CLDN16: variants seen among roughly 807,000 people sequenced by gnomAD.
CLDN16 encodes claudin 16, also known as claudin-16.
Under a neutral mutation model 24.6 loss-of-function variants are expected in CLDN16, and 13 were observed. The ratio of observed to expected loss-of-function variants is 0.53; its 90% confidence interval spans 0.34 to 0.84. The LOEUF is 0.84. CLDN16 is among the 40% of genes least tolerant of loss of function. CLDN16 has a pLI of 0.01. For missense variants in CLDN16, 298 were observed against 292.7 expected, an observed-to-expected ratio of 1.02 and a Z score of -0.13; for synonymous variants, 116 against 106.7, an observed-to-expected ratio of 1.09 and a Z score of -0.54.
chr3:190,365,709 T>C (rs370088547), intron 1 of CLDN16, among the ~76,000 whole-genome samples: 8 of 151,560 alleles, frequency 5.3e-5, no homozygotes, highest in African/African-American at 1.9e-4. Context: ...TTAGCACCAT[T>C]AGAACTCTTA....
the CLDN16 span, among the ~76,000 whole-genome samples, chr3:190,298,348 TACACACACACACACAC>T: frequency 1.4e-5 from 2 of 147,854 alleles, no homozygotes; most frequent in South Asian, 4.8e-4. Context: ...ATGTATATTA[TACACACACACACACAC>T]ACACACACAC....
intron 1 of CLDN16, among the ~76,000 whole-genome samples, chr3:190,329,309 C>T (rs55809762): frequency 0.015 from 2,222 of 152,188 alleles, 29 homozygotes; most frequent in Non-Finnish European, 0.024. Context: ...CATATCTATT[C>T]TGAGCTAAGA....
At chr3:190,346,157 G>A (rs887873906) in intron 1 of CLDN16, among the ~76,000 whole-genome samples, 4 of 151,986 alleles carry the variant, frequency 2.6e-5, no homozygotes, top group Non-Finnish European at 4.4e-5. Flanking sequence ...CACCGAGACC[G>A]AAGGAAAGAA....
chr3:190,314,356 G>A, the CLDN16 span, among the ~76,000 whole-genome samples: 1 of 152,024 alleles, frequency 6.6e-6, no homozygotes, highest in Non-Finnish European at 1.5e-5. Context: ...TTCTGTCTTT[G>A]CTATAACCAG....
the CLDN16 span, among the ~76,000 whole-genome samples, chr3:190,312,222 C>T: frequency 6.4e-4 from 98 of 152,182 alleles, 1 homozygote; most frequent in Middle Eastern, 3.4e-3. Context: ...TGAACCACCA[C>T]ACCTGGCCTA....
At chr3:190,312,981 T>C in the CLDN16 span, 1 of 1,614,182 alleles carries the variant, frequency 6.2e-7, no homozygotes, top group Non-Finnish European at 8.5e-7. Flanking sequence ...CAAAGATTGC[T>C]ATCACTCCCA....
At chr3:190,375,025 C>T (rs1395297968) in intron 3 of CLDN16, among the ~76,000 whole-genome samples, 1 of 151,868 alleles carries the variant, frequency 6.6e-6, no homozygotes, top group Non-Finnish European at 1.5e-5. Context: ...GAGGCATATA[C>T]TTATAAAACT....
intron 3 of CLDN16, among the ~76,000 whole-genome samples, 153 bp from the exon 4 acceptor site, chr3:190,408,161 A>C (rs1719153940): frequency 6.6e-6 from 1 of 152,226 alleles, no homozygotes; most frequent in Non-Finnish European, 1.5e-5. Flanking sequence ...GAAGAGACAG[A>C]AGAAGTGTCC....
chr3:190,401,928 G>A (rs570330853), intron 1 of CLDN16, among the ~76,000 whole-genome samples: 1 of 151,824 alleles, frequency 6.6e-6, no homozygotes, highest in African/African-American at 2.4e-5. Context: ...TAGACTCAAG[G>A]TGTCAACAGT....
rs1250425802 is a variant in CLDN16, at chr3:190,410,295, A to C, written c.*259A>C. 2 of 457,192 alleles carry C rather than the reference A, an allele frequency of 4.4e-6. No homozygotes were observed. Among genetic ancestry groups the C allele is most frequent in the Non-Finnish European group, 7.9e-6 (2 of 251,790 alleles). The allele number at this position is 457,192 out of a possible 1,614,324, so 28.3% of individuals were successfully genotyped here. On this transcript the variant is annotated 3_prime_UTR_variant, in exon 5 of 5. Coordinates refer to ENST00000264734, the MANE Select transcript of CLDN16 (RefSeq NM_006580.4). ...AAGATAAGTCTGCTAGGATGTAGAA[A>C]TATTTGTTTGTGATTTCTATATAGC...
chr3:190,292,839 C>A, the CLDN16 span, among the ~76,000 whole-genome samples: 2 of 152,142 alleles, frequency 1.3e-5, no homozygotes, highest in Non-Finnish European at 2.9e-5. Flanking sequence ...ACTTCATTGT[C>A]CACATCACTA....
At chr3:190,362,524 A>G (rs1430081919) in intron 1 of CLDN16, among the ~76,000 whole-genome samples, 1 of 151,986 alleles carries the variant, frequency 6.6e-6, no homozygotes, top group Non-Finnish European at 1.5e-5. Context: ...TTGAGTAATA[A>G]TAAAACTCCA....
At chr3:190,333,438 C>G (rs1717224939) in intron 1 of CLDN16, among the ~76,000 whole-genome samples, 1 of 152,070 alleles carries the variant, frequency 6.6e-6, no homozygotes, top group Non-Finnish European at 1.5e-5. Flanking sequence ...CACTATTACT[C>G]AAAAACTATG....
chr3:190,363,554 GTGTATATATATA>G (rs1168809535), intron 1 of CLDN16, among the ~76,000 whole-genome samples: 1,794 of 81,348 alleles, frequency 0.022, 141 homozygotes, highest in South Asian at 0.03. Flanking sequence ...GTGTGTGTGT[GTGTATATATATA>G]TATATATATA....
chr3:190,322,205 A>T, upstream of CLDN16: 1 of 1,613,480 alleles, frequency 6.2e-7, no homozygotes, highest in Non-Finnish European at 8.5e-7. Context: ...CGCGTTGGCC[A>T]TGACTCGCTC....
chr3:190,343,812 C>T (rs2108631115), intron 1 of CLDN16, among the ~76,000 whole-genome samples: 1 of 152,026 alleles, frequency 6.6e-6, no homozygotes, highest in Middle Eastern at 3.4e-3. Context: ...TATCAGAGTT[C>T]AGGTCTGGGG....
intron 1 of CLDN16, among the ~76,000 whole-genome samples, chr3:190,354,594 G>T (rs1717729631): frequency 6.6e-6 from 1 of 151,978 alleles, no homozygotes; most frequent in Non-Finnish European, 1.5e-5. Flanking sequence ...GCCAATAAGA[G>T]ACATTTCTAC....
rs373411163 is a variant in CLDN16, at chr3:190,404,784, G to A, written c.240G>A (p.Ala80=). 14 of 1,613,992 alleles carry A rather than the reference G, an allele frequency of 8.7e-6. No homozygotes were observed. The highest frequency in any genetic ancestry group is 4.5e-5 in the East Asian group (2 of 44,888). ...CAGTGAAGCTGGTGGTAACTCGAGCGTTGATGATTACTGCAGATATTCTAG... is the reference window on the plus strand; with the variant it reads ...CAGTGAAGCTGGTGGTAACTCGAGCATTGATGATTACTGCAGATATTCTAG... ...EHPLKLVVTR[A]LMITADILAG... The change falls in exon 3 of 5, where the codon GCG becomes GCA. Residue 80 remains alanine, a synonymous_variant. Coordinates refer to ENST00000264734, the MANE Select transcript of CLDN16 (RefSeq NM_006580.4).
At chr3:190,329,704 T>G (rs1279890584) in intron 1 of CLDN16, among the ~76,000 whole-genome samples, 1 of 152,200 alleles carries the variant, frequency 6.6e-6, no homozygotes, top group African/African-American at 2.4e-5. Flanking sequence ...CCTGTGGTTA[T>G]TTAACTTTTT....
Sources: gnomAD v4.1 joint callset for allele counts (sites outside exome capture counted in the v4.1 genomes callset) on GRCh38, gnomAD v4.1.1 for gene constraint, MANE v1.5 for transcripts, NCBI Gene and HGNC (gene_info 2026-07-23, HGNC 2026-07-21) for gene names.